Variants in SLIT1 observed in about 807,000 individuals in gnomAD.
SLIT1 encodes the protein slit homolog 1 protein.
SLIT1 carries 66 observed loss-of-function variants against 186.1 expected under a neutral mutation model. That is an observed-to-expected ratio of 0.35 (90% confidence interval 0.29 to 0.44). The LOEUF is 0.44. SLIT1 is among the 20% of genes least tolerant of loss of function. The probability of loss-of-function intolerance (pLI) is 1.00; values close to 1 mark genes in which losing one functional copy is unlikely to be tolerated. For missense variants in SLIT1, 1,638 were observed against 2,037.4 expected (o/e 0.80, Z 3.77); for synonymous variants, 761 against 833.8 (o/e 0.91, Z 1.50).
intron 21 of SLIT1, among the ~76,000 whole-genome samples, chr10:97,038,514 A>G (rs1334453204): frequency 6.6e-6 from 1 of 152,092 alleles, no homozygotes; most frequent in African/African-American, 2.4e-5. Context: ...GAAGCTTCCC[A>G]AGGTTCCCAT....
At chr10:97,093,127 G>A (rs1386395615) in intron 4 of SLIT1, among the ~76,000 whole-genome samples, 1 of 152,240 alleles carries the variant, frequency 6.6e-6, no homozygotes, top group Non-Finnish European at 1.5e-5. Context: ...GAAAAAAACT[G>A]TAAGGTGGTG....
intron 13 of SLIT1, among the ~76,000 whole-genome samples, chr10:97,052,879 C>T (rs10882863): frequency 0.58 from 88,669 of 152,012 alleles, 28,545 homozygotes; most frequent in East Asian, 0.81. Context: ...ATTCTTATTC[C>T]AAGTTGTAGT....
At chr10:97,141,686 C>T (rs77599433) in intron 4 of SLIT1, among the ~76,000 whole-genome samples, 21 of 148,550 alleles carry the variant, frequency 1.4e-4, no homozygotes, top group Non-Finnish European at 2.7e-4. Context: ...CGTATTGTAT[C>T]GTATCGTATC....
intron 4 of SLIT1, among the ~76,000 whole-genome samples, chr10:97,100,526 C>T (rs1171497290): frequency 6.6e-6 from 1 of 151,940 alleles, no homozygotes; most frequent in African/African-American, 2.4e-5. Flanking sequence ...ATCCCAGCTA[C>T]TCAGGAGGCT....
intron 4 of SLIT1, among the ~76,000 whole-genome samples, chr10:97,099,535 GTC>G (rs1467834961): frequency 2.0e-5 from 3 of 152,212 alleles, no homozygotes; most frequent in Non-Finnish European, 4.4e-5. Flanking sequence ...CCATCTGTCT[GTC>G]TCTGGCTGCT....
Position 97,064,176 on chromosome 10 carries a change from T to C in SLIT1, c.621A>G (p.Leu207=). The C allele has an allele frequency of 6.2e-7, 1 of 1,613,214 alleles. No homozygotes were observed. Among genetic ancestry groups the C allele is most frequent in the South Asian group, 1.1e-5 (1 of 90,716 alleles). Residue 207 remains leucine (L), a synonymous_variant, in exon 7 of 37, where the codon CTA becomes CTG. Coordinates refer to ENST00000266058, the MANE Select transcript of SLIT1 (RefSeq NM_003061.3). ...PVSSFNHMPK[L]RTFRLHSNHL... is the part of the protein sequence containing the mutation. ...TGCCCCGGCTGACTCACAAGGTCCG[T>C]AGCTTGGGCATATGGTTGAAGCTGG...
In SLIT1 at chr10:97,140,070, C is replaced by T. The variant is rs183138815; in HGVS notation, c.413+17748G>A. On this transcript the variant is annotated intron_variant, in intron 4 of 36. Coordinates refer to ENST00000266058, the MANE Select transcript of SLIT1 (RefSeq NM_003061.3). Reference sequence around the variant, plus strand: ...TGATGAAACCCCAGCATGGCTTTTCCTCTTCCCGCCATCCCTCACCCTGAC... The same window carrying T: ...TGATGAAACCCCAGCATGGCTTTTCTTCTTCCCGCCATCCCTCACCCTGAC... Among the ~76,000 whole-genome samples the T allele has an allele frequency of 6.4e-4, 97 of 152,276 alleles. 1 individual carries two copies. In the East Asian group the frequency reaches 0.017, roughly 27 times the overall value.
intron 7 of SLIT1, 112 bp from the exon 8 acceptor site, chr10:97,063,730 C>T: frequency 3.4e-6 from 4 of 1,176,118 alleles, no homozygotes; most frequent in Non-Finnish European, 4.7e-6. Flanking sequence ...TCAAGCCAAA[C>T]ACAGTCTACA....
chr10:97,088,677 C>T (rs1849194717), intron 4 of SLIT1, among the ~76,000 whole-genome samples: 1 of 152,126 alleles, frequency 6.6e-6, no homozygotes, highest in South Asian at 2.1e-4. Context: ...TGTGGATGTG[C>T]CCAAATCTCT....
chr10:97,070,138 C>G (rs1399446377), intron 4 of SLIT1, among the ~76,000 whole-genome samples: 1 of 152,224 alleles, frequency 6.6e-6, no homozygotes, highest in Admixed American at 6.5e-5. Flanking sequence ...TCAGATGACA[C>G]AACCCCCCAA....
At chr10:97,082,635 CGT>C (rs999006143) in intron 4 of SLIT1, among the ~76,000 whole-genome samples, 3 of 152,004 alleles carry the variant, frequency 2.0e-5, no homozygotes, top group Admixed American at 6.5e-5. Context: ...GAGGTTTCAC[CGT>C]GTTAGCCAGG....
At chr10:97,058,646 G>A (rs1369581850) in intron 11 of SLIT1, among the ~76,000 whole-genome samples, 1 of 152,224 alleles carries the variant, frequency 6.6e-6, no homozygotes, top group Non-Finnish European at 1.5e-5. Flanking sequence ...GCACTGAGCT[G>A]GCAGGCTCCT....
intron 4 of SLIT1, among the ~76,000 whole-genome samples, chr10:97,077,601 G>A (rs889840316): frequency 1.3e-5 from 2 of 152,170 alleles, no homozygotes; most frequent in African/African-American, 4.8e-5. Context: ...TTTGTAAGAG[G>A]AGACTGGCAC....
intron 4 of SLIT1, among the ~76,000 whole-genome samples, chr10:97,081,286 T>C (rs577433770): frequency 1.2e-3 from 179 of 152,282 alleles, no homozygotes; most frequent in African/African-American, 4.2e-3. Context: ...AGAGGGGCTG[T>C]GAATCCAAGC....
At chr10:97,073,679 CG>C (rs943391387) in intron 4 of SLIT1, among the ~76,000 whole-genome samples, 7 of 152,160 alleles carry the variant, frequency 4.6e-5, no homozygotes, top group Non-Finnish European at 8.8e-5. Context: ...GGAGCACTCA[CG>C]GAGAGGCCAG....
chr10:97,170,523 G>A (rs1288254891), intron 1 of SLIT1, among the ~76,000 whole-genome samples: 1 of 152,184 alleles, frequency 6.6e-6, no homozygotes, highest in African/African-American at 2.4e-5. Context: ...AAGCTGAACT[G>A]GGAGGAGTCA....
At chr10:97,094,461 G>A (rs902841024) in intron 4 of SLIT1, among the ~76,000 whole-genome samples, 1 of 152,180 alleles carries the variant, frequency 6.6e-6, no homozygotes, top group Non-Finnish European at 1.5e-5. Context: ...CGACTGTATG[G>A]CTCCAAAACT....
intron 1 of SLIT1, among the ~76,000 whole-genome samples, chr10:97,169,644 G>C (rs1374696371): frequency 6.6e-6 from 1 of 152,164 alleles, no homozygotes; most frequent in African/African-American, 2.4e-5. Flanking sequence ...TCCCAGCCTC[G>C]AGTGTCAGGA....
intron 4 of SLIT1, among the ~76,000 whole-genome samples, chr10:97,117,686 G>C (rs2636789): frequency 0.81 from 123,062 of 152,110 alleles, 49,962 homozygotes; most frequent in Admixed American, 0.85. Flanking sequence ...TGCAAGTGAC[G>C]CACATGCAAG....
Sources: gnomAD v4.1 joint callset for allele counts (sites outside exome capture counted in the v4.1 genomes callset) on GRCh38, gnomAD v4.1.1 for gene constraint, MANE v1.5 for transcripts, NCBI Gene and HGNC (gene_info 2026-07-23, HGNC 2026-07-21) for gene names.